The following SLC35F4 variants were observed in gnomAD, a reference collection of about 807,000 sequenced individuals.
SLC35F4 encodes the protein chromosome 14 open reading frame 36.
Under a neutral mutation model 44.2 loss-of-function variants are expected in SLC35F4, and 24 were observed. The ratio of observed to expected loss-of-function variants is 0.54; its 90% CI spans 0.39 to 0.76. The LOEUF (loss-of-function observed/expected upper bound fraction) is 0.76. SLC35F4 is among the 30% of genes least tolerant of loss of function. The pLI is 0.00. For missense variants in SLC35F4, 562 were observed against 586.1 expected, an observed-to-expected ratio of 0.96 and a Z score of 0.42; for synonymous variants, 238 against 223.6, an observed-to-expected ratio of 1.06 and a Z score of -0.57.
intron 1 of SLC35F4, among the ~76,000 whole-genome samples, chr14:57,692,316 G>A (rs1197158376): frequency 6.6e-6 from 1 of 152,118 alleles, no homozygotes; most frequent in Non-Finnish European, 1.5e-5. Context: ...ATGTCGAATT[G>A]CTATTAACTT....
intron 1 of SLC35F4, among the ~76,000 whole-genome samples, chr14:57,810,048 T>C (rs1024289746): frequency 2.0e-5 from 3 of 152,230 alleles, no homozygotes; most frequent in Non-Finnish European, 2.9e-5. Flanking sequence ...TAAATCACTA[T>C]TGTAGTCTCA....
chr14:57,894,199 T>G (rs932826399), intron 1 of SLC35F4, among the ~76,000 whole-genome samples: 1 of 152,112 alleles, frequency 6.6e-6, no homozygotes, highest in African/African-American at 2.4e-5. Context: ...TTATTCAAGG[T>G]ACTATACAAT....
At chr14:57,694,500 G>C (rs1412544327) in intron 1 of SLC35F4, among the ~76,000 whole-genome samples, 1 of 151,972 alleles carries the variant, frequency 6.6e-6, no homozygotes, top group Admixed American at 6.6e-5. Context: ...TTATTCCCTT[G>C]TATGACTATA....
At chr14:57,823,344 C>T (rs1244049184) in intron 1 of SLC35F4, among the ~76,000 whole-genome samples, 1 of 152,174 alleles carries the variant, frequency 6.6e-6, no homozygotes, top group Admixed American at 6.5e-5. Context: ...ATCACCTACC[C>T]TGTCCTCATA....
At chr14:57,784,163 G>T (rs2077699138) in intron 1 of SLC35F4, among the ~76,000 whole-genome samples, 1 of 152,128 alleles carries the variant, frequency 6.6e-6, no homozygotes, top group African/African-American at 2.4e-5. Context: ...CACACCAGAG[G>T]AATTAACTGA....
intron 1 of SLC35F4, among the ~76,000 whole-genome samples, chr14:57,737,643 T>C (rs1269146813): frequency 1.3e-5 from 2 of 152,238 alleles, no homozygotes; most frequent in Non-Finnish European, 2.9e-5. Context: ...AGACCTCAGA[T>C]TCTGACATAT....
chr14:57,887,250 G>C (rs756657317), intron 1 of SLC35F4, among the ~76,000 whole-genome samples: 2 of 152,166 alleles, frequency 1.3e-5, no homozygotes. Context: ...CAACCAAGTA[G>C]AACAACCATC....
At chr14:57,613,727 G>A (rs2071642907) in intron 1 of SLC35F4, among the ~76,000 whole-genome samples, 1 of 152,180 alleles carries the variant, frequency 6.6e-6, no homozygotes, top group Non-Finnish European at 1.5e-5. Flanking sequence ...CCACAGCACA[G>A]CTGAAAGAGC....
chr14:57,912,306 A>C (rs912384210), intron 1 of SLC35F4, among the ~76,000 whole-genome samples: 3 of 151,660 alleles, frequency 2.0e-5, no homozygotes, highest in Admixed American at 1.3e-4. Context: ...TTTGGATTTA[A>C]TTTGCACACT....
In SLC35F4 at chr14:57,895,174, C is replaced by T. The variant is rs78103060; in HGVS notation, n.282+86739G>A. On this transcript the variant is annotated intron_variant and non_coding_transcript_variant, in intron 1 of 1. Coordinates refer to the SLC35F4 transcript ENST00000556568. ...GGATCTCGTTCTCAGCATTTCAGAG[C>T]ATAAACTCACTTCTGTCCAGGTACA... 7.2e-3 allele frequency among the ~76,000 whole-genome samples: 1,099 copies of T among 152,222 alleles called. 13 individuals carry two copies. Among genetic ancestry groups the T allele is most frequent in the African/African-American group, 0.025 (1,029 of 41,558 alleles).
At chr14:57,637,806 G>C (rs2073072966) in intron 1 of SLC35F4, among the ~76,000 whole-genome samples, 1 of 152,054 alleles carries the variant, frequency 6.6e-6, no homozygotes, top group African/African-American at 2.4e-5. Flanking sequence ...CCCCTCAGCT[G>C]ACTGAATGAA....
At chr14:57,762,891 C>G (rs1249434885) in intron 1 of SLC35F4, among the ~76,000 whole-genome samples, 1 of 152,054 alleles carries the variant, frequency 6.6e-6, no homozygotes, top group East Asian at 1.9e-4. Context: ...AAAAAAAGGA[C>G]TAAGAAACAA....
intron 1 of SLC35F4, among the ~76,000 whole-genome samples, chr14:57,880,142 CACAGTTTCT>C (rs1196752797): frequency 1.3e-5 from 2 of 151,980 alleles, no homozygotes; most frequent in African/African-American, 2.4e-5. Flanking sequence ...TTCAGGGCTT[CACAGTTTCT>C]ACAGTTTCCT....
At chr14:57,723,190 T>C (rs1261240208) in intron 1 of SLC35F4, among the ~76,000 whole-genome samples, 1 of 152,084 alleles carries the variant, frequency 6.6e-6, no homozygotes, top group African/African-American at 2.4e-5. Flanking sequence ...TTACAGTGGG[T>C]CCCCAGACTC....
At chr14:57,627,165 G>C (rs1447702045) in intron 1 of SLC35F4, among the ~76,000 whole-genome samples, 2 of 152,088 alleles carry the variant, frequency 1.3e-5, no homozygotes, top group Admixed American at 1.3e-4. Context: ...GGAAGTAATG[G>C]AGGACTTCAG....
intron 1 of SLC35F4, among the ~76,000 whole-genome samples, chr14:57,727,412 C>G (rs1487392381): frequency 1.3e-5 from 2 of 150,710 alleles, no homozygotes; most frequent in East Asian, 3.9e-4. Context: ...TATTTTTGCT[C>G]TGATTTTTAT....
chr14:57,808,345 C>A (rs1315209407), intron 1 of SLC35F4, among the ~76,000 whole-genome samples: 2 of 151,712 alleles, frequency 1.3e-5, no homozygotes, highest in Non-Finnish European at 2.9e-5. Context: ...TGACCTACCA[C>A]AAATATAGAA....
chr14:57,951,681 G>A (rs898561654), intron 1 of SLC35F4, among the ~76,000 whole-genome samples: 4 of 152,178 alleles, frequency 2.6e-5, no homozygotes, highest in Non-Finnish European at 5.9e-5. Context: ...AGTTCAGACT[G>A]GGCAGAGCCC....
chr14:57,685,652 T>C (rs185343516), intron 1 of SLC35F4, among the ~76,000 whole-genome samples: 1 of 152,334 alleles, frequency 6.6e-6, no homozygotes, highest in East Asian at 1.9e-4. Flanking sequence ...TCCTTAATTG[T>C]TCAAGGGTAA....
Sources: allele counts gnomAD v4.1 joint callset (sites outside exome capture counted in the v4.1 genomes callset), GRCh38; gene constraint gnomAD v4.1.1; transcripts MANE v1.5; gene names NCBI Gene and HGNC (gene_info 2026-07-23, HGNC 2026-07-21).